The following ZDHHC20 variants were observed in gnomAD, a reference collection of about 807,000 sequenced individuals.
ZDHHC20 encodes palmitoyltransferase ZDHHC20.
ZDHHC20 carries 43 observed loss-of-function variants against 57.8 expected under a neutral mutation model. The observed-to-expected ratio is 0.74, with a 90% confidence interval of 0.58 to 0.96. The LOEUF is 0.96. Ranked by LOEUF, ZDHHC20 falls within the 40% of genes least tolerant of loss-of-function variation. The pLI is 0.00. For missense variants in ZDHHC20, 391 were observed against 441.1 expected, an observed-to-expected ratio of 0.89 and a Z score of 1.02; for synonymous variants, 157 against 153.0, an observed-to-expected ratio of 1.03 and a Z score of -0.19.
intron 1 of ZDHHC20, among the ~76,000 whole-genome samples, chr13:21,439,270 C>A (rs1352608617): frequency 1.3e-5 from 2 of 152,164 alleles, no homozygotes; most frequent in Admixed American, 1.3e-4. Context: ...GAGGCTGAGG[C>A]AAGAGGATCG....
intron 2 of ZDHHC20, among the ~76,000 whole-genome samples, chr13:21,421,663 A>G (rs1880662972): frequency 6.6e-6 from 1 of 152,188 alleles, no homozygotes; most frequent in African/African-American, 2.4e-5. Flanking sequence ...TGTTCAATAC[A>G]GGCTAACAAG....
At chr13:21,451,565 C>T (rs1022328623) in intron 1 of ZDHHC20, among the ~76,000 whole-genome samples, 1 of 152,030 alleles carries the variant, frequency 6.6e-6, no homozygotes, top group East Asian at 1.9e-4. Context: ...CTAAATAAAA[C>T]TGTGAATATG....
intron 7 of ZDHHC20, among the ~76,000 whole-genome samples, chr13:21,396,653 C>A (rs748013982): frequency 2.0e-5 from 3 of 151,558 alleles, no homozygotes; most frequent in Non-Finnish European, 4.4e-5. Flanking sequence ...GCCAACATGG[C>A]GAAACCCTGT....
intron 3 of ZDHHC20, among the ~76,000 whole-genome samples, chr13:21,415,862 C>T (rs1879890278): frequency 6.6e-6 from 1 of 152,116 alleles, no homozygotes; most frequent in South Asian, 2.1e-4. Flanking sequence ...GTATCCCAGG[C>T]CTCAAGCCTC....
intron 1 of ZDHHC20, among the ~76,000 whole-genome samples, chr13:21,444,526 A>G (rs1258039575): frequency 6.6e-6 from 1 of 152,236 alleles, no homozygotes; most frequent in Admixed American, 6.5e-5. Flanking sequence ...ACTTTCAAAA[A>G]ATACATTATA....
chr13:21,397,936 T>C (rs926087034), intron 7 of ZDHHC20, among the ~76,000 whole-genome samples: 13 of 152,258 alleles, frequency 8.5e-5, no homozygotes, highest in African/African-American at 3.1e-4. Flanking sequence ...ATATTAGGAA[T>C]AGGAATGATT....
chr13:21,437,019 A>G (rs1882621963), intron 1 of ZDHHC20, among the ~76,000 whole-genome samples: 1 of 152,246 alleles, frequency 6.6e-6, no homozygotes, highest in South Asian at 2.1e-4. Context: ...TCCAGTGAAT[A>G]GATGAATAAG....
chr13:21,422,262 GA>G (rs1156570400), intron 2 of ZDHHC20, among the ~76,000 whole-genome samples: 72 of 138,060 alleles, frequency 5.2e-4, no homozygotes, highest in Non-Finnish European at 4.1e-4. Flanking sequence ...GGTCTGCGCT[GA>G]AAAAAAAAAA....
chr13:21,394,169 C>G (rs74039319), intron 7 of ZDHHC20, among the ~76,000 whole-genome samples: 4,348 of 152,256 alleles, frequency 0.029, 193 homozygotes, highest in African/African-American at 0.097. Context: ...GTCATTTTGG[C>G]CCCCTCTTGG....
intron 4 of ZDHHC20, among the ~76,000 whole-genome samples, chr13:21,409,116 G>C (rs542306924): frequency 6.6e-6 from 1 of 152,266 alleles, no homozygotes; most frequent in East Asian, 1.9e-4. Flanking sequence ...GATGATGCTG[G>C]CCTCATAAAA....
chr13:21,428,116 A>C (rs1881490612), intron 1 of ZDHHC20, among the ~76,000 whole-genome samples: 2 of 152,214 alleles, frequency 1.3e-5, no homozygotes, highest in South Asian at 4.1e-4. Context: ...TGGCACCTCT[A>C]ACTACAGAGA....
chr13:21,400,542 T>C (rs773723237), intron 6 of ZDHHC20, 49 bp from the exon 7 acceptor site: 31 of 1,512,628 alleles, frequency 2.0e-5, no homozygotes, highest in Non-Finnish European at 2.5e-5. Flanking sequence ...AAATCACAAA[T>C]TCACAGAAAT....
chr13:21,396,055 T>A (rs1352266070), intron 7 of ZDHHC20, among the ~76,000 whole-genome samples: 1 of 152,110 alleles, frequency 6.6e-6, no homozygotes, highest in African/African-American at 2.4e-5. Context: ...CAACTAGAGA[T>A]AGCCCCGATA....
rs902022978 is a variant in ZDHHC20, at chr13:21,375,321, C to T, written c.*1375G>A. 37 of 370,540 alleles carry T rather than the reference C, an allele frequency of 1.0e-4. No individual in the cohort carries two copies. Among genetic ancestry groups the T allele is most frequent in the Non-Finnish European group, 1.3e-4 (24 of 188,740 alleles). The allele number at this position is 370,540 out of a possible 1,614,324, so 23.0% of individuals were successfully genotyped here. A position where few individuals can be genotyped will look rare whatever the true frequency, so the allele number is the denominator to read the frequency against. ...GCTGAGATTCATCTCCACCCACTCACTGGAAGCAATCAATTATTTTGGGGG... is the reference window on the plus strand; with the variant it reads ...GCTGAGATTCATCTCCACCCACTCATTGGAAGCAATCAATTATTTTGGGGG... On this transcript the variant is annotated 3_prime_UTR_variant, in exon 13 of 13. Transcript: ENST00000400590.
intron 4 of ZDHHC20, among the ~76,000 whole-genome samples, chr13:21,406,376 T>C (rs931227087): frequency 8.5e-5 from 13 of 152,222 alleles, no homozygotes; most frequent in African/African-American, 3.1e-4. Flanking sequence ...GTTTCTGTTA[T>C]TTGTGCTTTT....
chr13:21,413,651 C>T lies in ZDHHC20; in HGVS notation c.370+1G>A. 1 of 1,578,404 alleles carries T rather than the reference C, an allele frequency of 6.3e-7. No homozygotes were observed. Among genetic ancestry groups the T allele is most frequent in the Non-Finnish European group, 8.6e-7 (1 of 1,168,372 alleles). On this transcript the variant is annotated splice_donor_variant, in intron 4 of 12. Coordinates refer to ENST00000400590, the MANE Select transcript of ZDHHC20 (RefSeq NM_001330059.2). LOFTEE classifies it high-confidence loss of function. Reference sequence around the variant, plus strand: ...AAAGGAAAACTTATTCTTTTTCTTACTTTTTGAAGCTGATGTGGTATAGAT... The same window carrying T: ...AAAGGAAAACTTATTCTTTTTCTTATTTTTTGAAGCTGATGTGGTATAGAT...
intron 1 of ZDHHC20, among the ~76,000 whole-genome samples, chr13:21,428,601 C>T (rs770580124): frequency 5.3e-5 from 8 of 151,548 alleles, no homozygotes; most frequent in Non-Finnish European, 1.0e-4. Flanking sequence ...TGGCTCATGC[C>T]CGTAATCTCA....
chr13:21,391,897 T>C, intron 7 of ZDHHC20, 43 bp from the exon 8 acceptor site: 1 of 1,577,672 alleles, frequency 6.3e-7, no homozygotes. Flanking sequence ...ACCTCTAAAA[T>C]ATAACTTACA....
At chr13:21,414,527 A>ATTTTTTTTTT (rs747307477) in intron 3 of ZDHHC20, among the ~76,000 whole-genome samples, 75 of 107,490 alleles carry the variant, frequency 7.0e-4, no homozygotes, top group African/African-American at 1.2e-3. Context: ...TGCCCGGATA[A>ATTTTTTTTTT]TTTTTTTTTT....
Sources: allele counts gnomAD v4.1 joint callset (sites outside exome capture counted in the v4.1 genomes callset), GRCh38; gene constraint gnomAD v4.1.1; transcripts MANE v1.5; gene names NCBI Gene and HGNC (gene_info 2026-07-23, HGNC 2026-07-21).